ADAMTS2: variants seen among roughly 807,000 people sequenced by gnomAD.
ADAMTS2 encodes the protein A disintegrin and metalloproteinase with thrombospondin motifs 2.
A neutral mutation model predicts 123.0 loss-of-function variants in ADAMTS2; 50 were observed. The observed-to-expected ratio is 0.41, with a 90% CI of 0.32 to 0.51. The LOEUF (loss-of-function observed/expected upper bound fraction) is 0.51, where lower values mean the gene tolerates loss of function less well. Ranked by LOEUF, ADAMTS2 falls within the 20% of genes least tolerant of loss-of-function variation. The pLI is 0.35. For missense variants in ADAMTS2, 1,494 were observed against 1,705.2 expected (o/e 0.88, Z 2.18); for synonymous variants, 678 against 695.4 (o/e 0.98, Z 0.39).
At chr5:179,340,849 A>G (rs1327487688) in intron 2 of ADAMTS2, among the ~76,000 whole-genome samples, 1 of 152,178 alleles carries the variant, frequency 6.6e-6, no homozygotes, top group African/African-American at 2.4e-5. Context: ...TGGGCATGTA[A>G]AAACCACGTG....
In ADAMTS2 at chr5:179,242,543, A is replaced by G. The variant is rs779696911; in HGVS notation, c.688+30368T>C. On this transcript the variant is annotated intron_variant, in intron 3 of 21. Coordinates refer to ENST00000251582, the MANE Select transcript of ADAMTS2 (RefSeq NM_014244.5). The surrounding 1 kb of genome is among the most constrained non-coding windows in gnomAD (Gnocchi z 4.2). ...CAACAACAATTTAAAGTCTCTAGAA[A>G]TTATCCTAAGAGCACACAACAAACT... 2.6e-5 allele frequency among the ~76,000 whole-genome samples: 4 copies of G among 152,210 alleles called. No individual in the cohort carries two copies. Among genetic ancestry groups the G allele is most frequent in the Non-Finnish European group, 4.4e-5 (3 of 68,034 alleles).
intron 2 of ADAMTS2, among the ~76,000 whole-genome samples, chr5:179,315,325 T>TTGGCTTCTGGACA (rs547899229): frequency 6.6e-6 from 1 of 151,718 alleles, no homozygotes; most frequent in Non-Finnish European, 1.5e-5. Flanking sequence ...GAGGCCACAG[T>TTGGCTTCTGGACA]GCTTTGGGAA....
chr5:179,191,868 G>GC (rs1019214914), intron 4 of ADAMTS2, among the ~76,000 whole-genome samples: 1 of 151,702 alleles, frequency 6.6e-6, no homozygotes, highest in African/African-American at 2.4e-5. Context: ...GCACATGGAT[G>GC]CCCCTCGCTC....
chr5:179,216,713 A>G (rs1266760526), intron 3 of ADAMTS2, among the ~76,000 whole-genome samples: 2 of 152,252 alleles, frequency 1.3e-5, no homozygotes, highest in Non-Finnish European at 2.9e-5. Context: ...CCCTCTCCTT[A>G]CACTGCCAGC....
rs573436972 is a variant in ADAMTS2, at chr5:179,197,339, C to T, written c.891+10174G>A. 1.1e-4 allele frequency among the ~76,000 whole-genome samples: 16 copies of T among 152,318 alleles called. No homozygotes were observed. Among genetic ancestry groups the T allele is most frequent in the African/African-American group, 3.6e-4 (15 of 41,564 alleles). The stretch of plus-strand genomic sequence containing the variant: ...TCGGGAAGAGTAGGATTGAAATTAG[C>T]GCTTTAGTGAAATGCTTGAAGCCAC... On this transcript the variant is annotated intron_variant, in intron 4 of 21. Transcript: ENST00000251582. This position sits in a 1 kb window ranked among gnomAD's most constrained non-coding sequence, Gnocchi z 4.2.
intron 21 of ADAMTS2, among the ~76,000 whole-genome samples, chr5:179,116,290 C>T (rs1385038283): frequency 7.3e-6 from 1 of 137,760 alleles, no homozygotes; most frequent in African/African-American, 2.6e-5. Flanking sequence ...CACTTGAAGT[C>T]CCTGACCTGT....
In ADAMTS2 at chr5:179,190,860, T is replaced by C. The variant is rs1764288164; in HGVS notation, c.892-9705A>G. ...CTGGCTCTCCTCCTGGCCATCACCA[T>C]CGGGAGAGGTCTGAGTGAACAGCTT... is the stretch of plus-strand genomic sequence containing the variant. On this transcript the variant is annotated intron_variant, in intron 4 of 21. Transcript: ENST00000251582. Among the ~76,000 whole-genome samples, 3 of 152,246 alleles carry C rather than the reference T, an allele frequency of 2.0e-5. No individual in the cohort carries two copies. In the South Asian group the frequency reaches 6.2e-4, roughly 31 times the overall value.
At chr5:179,213,849 A>C (rs1764914762) in intron 3 of ADAMTS2, among the ~76,000 whole-genome samples, 1 of 152,360 alleles carries the variant, frequency 6.6e-6, no homozygotes, top group East Asian at 1.9e-4. Flanking sequence ...TATGCTCCTA[A>C]AGCTTCAACC....
intron 4 of ADAMTS2, among the ~76,000 whole-genome samples, chr5:179,200,308 G>A (rs1050281045): frequency 2.7e-5 from 4 of 146,764 alleles, no homozygotes; most frequent in Admixed American, 2.7e-4. Context: ...GAGTGCAGTG[G>A]CGTCACCTCA....
intron 2 of ADAMTS2, 116 bp downstream of exon 2, chr5:179,343,651 G>T: frequency 7.2e-7 from 1 of 1,383,966 alleles, no homozygotes; most frequent in Non-Finnish European, 9.9e-7. Flanking sequence ...AGCACGGGAA[G>T]GGCGCGGAAA....
chr5:179,299,893 G>C (rs550511163), intron 2 of ADAMTS2, among the ~76,000 whole-genome samples: 9 of 152,022 alleles, frequency 5.9e-5, no homozygotes, highest in African/African-American at 2.2e-4. Flanking sequence ...AGGAGATGGA[G>C]ACCATCCTGG....
chr5:179,183,647 T>C (rs572204472), intron 4 of ADAMTS2, among the ~76,000 whole-genome samples: 1 of 152,204 alleles, frequency 6.6e-6, no homozygotes, highest in East Asian at 1.9e-4. Context: ...GGCAAGATAG[T>C]TGGGGACTGG....
In ADAMTS2 at chr5:179,158,991, G is replaced by A; in HGVS notation, c.976-112C>T. 1.4e-6 allele frequency: 2 copies of A among 1,391,020 alleles called. No homozygotes were observed. The highest frequency in any genetic ancestry group is 9.8e-7 in the Non-Finnish European group (1 of 1,019,738). 86.2% of individuals were successfully genotyped at this position (1,391,020 alleles called of 1,614,324 possible). Reference sequence around the variant, plus strand: ...CCCATCCACTGGGAATCTGTTCCAGGTGGTACAAAGGCCCTGCCCGGTCAC... The same window carrying A: ...CCCATCCACTGGGAATCTGTTCCAGATGGTACAAAGGCCCTGCCCGGTCAC... On this transcript the variant is annotated intron_variant, in intron 5 of 21. Coordinates refer to ENST00000251582, the MANE Select transcript of ADAMTS2 (RefSeq NM_014244.5). The surrounding 1 kb of genome is among the most constrained non-coding windows in gnomAD (Gnocchi z 5.0).
chr5:179,264,482 C>T (rs1766309102), intron 3 of ADAMTS2, among the ~76,000 whole-genome samples: 1 of 84,130 alleles, frequency 1.2e-5, no homozygotes, highest in Non-Finnish European at 3.0e-5. Context: ...AGGGGGCATG[C>T]CCAGCCCACA....
At chr5:179,211,757 C>A (rs1247887761) in intron 3 of ADAMTS2, among the ~76,000 whole-genome samples, 1 of 152,210 alleles carries the variant, frequency 6.6e-6, no homozygotes, top group Non-Finnish European at 1.5e-5. Context: ...CCACAGTGCA[C>A]AGGGCACGTG....
At chr5:179,208,267 G>C (rs538309025) in intron 3 of ADAMTS2, among the ~76,000 whole-genome samples, 1 of 150,556 alleles carries the variant, frequency 6.6e-6, no homozygotes, top group Non-Finnish European at 1.5e-5. Context: ...TGGGGAAACC[G>C]AGGCCCATCC....
intron 4 of ADAMTS2, among the ~76,000 whole-genome samples, chr5:179,205,191 C>T (rs773671025): frequency 3.9e-5 from 6 of 152,206 alleles, no homozygotes; most frequent in Non-Finnish European, 8.8e-5. Context: ...ACCCTGGGCA[C>T]CAGGAGAAAG....
rs147449677 is a variant in ADAMTS2, at chr5:179,250,500, A to G, written c.688+22411T>C. Among the ~76,000 whole-genome samples the G allele has an allele frequency of 5.7e-3, 873 of 152,308 alleles. 11 individuals carry two copies. The highest frequency in any genetic ancestry group is 0.02 in the African/African-American group (834 of 41,554). On this transcript the variant is annotated intron_variant, in intron 3 of 21. Transcript: ENST00000251582. Reference sequence around the variant, plus strand: ...TGAATATAGTAAAAATTATGGAATTATGCGCCCGAAACGCTGAACTACAGC... The same window carrying G: ...TGAATATAGTAAAAATTATGGAATTGTGCGCCCGAAACGCTGAACTACAGC...
At chr5:179,160,651 T>C (rs934955430) in intron 5 of ADAMTS2, among the ~76,000 whole-genome samples, 8 of 152,214 alleles carry the variant, frequency 5.3e-5, no homozygotes, top group African/African-American at 1.9e-4. Flanking sequence ...GGAGATAAGA[T>C]AACTCATTCT....
Sources: gnomAD v4.1 joint callset for allele counts (sites outside exome capture counted in the v4.1 genomes callset) on GRCh38, gnomAD v4.1.1 for gene constraint, Gnocchi (gnomAD v3.1) non-coding constraint, MANE v1.5 for transcripts, NCBI Gene and HGNC (gene_info 2026-07-23, HGNC 2026-07-21) for gene names.